The following WDR27 variants were observed in gnomAD, a reference collection of about 807,000 sequenced individuals.
WDR27 encodes the protein WD repeat-containing protein 27.
A neutral mutation model predicts 114.4 loss-of-function variants in WDR27; 100 were observed. The ratio of observed to expected loss-of-function variants is 0.87; its 90% CI spans 0.74 to 1.03. The LOEUF (loss-of-function observed/expected upper bound fraction) is 1.03. Ranked by LOEUF, WDR27 falls within the 50% of genes least tolerant of loss-of-function variation. The pLI is 0.00. For missense variants in WDR27, 1,129 were observed against 1,092.9 expected, an observed-to-expected ratio of 1.03 and a Z score of -0.47; for synonymous variants, 449 against 423.1, an observed-to-expected ratio of 1.06 and a Z score of -0.75.
chr6:169,638,188 C>T lies in WDR27; in HGVS notation c.1869+351G>A, dbSNP rs901495888. On this transcript the variant is annotated intron_variant, in intron 18 of 25. Transcript: ENST00000448612. The stretch of plus-strand genomic sequence containing the variant: ...AAAATTAGCCGGGCGCGGTGGCGGG[C>T]GCCTGTAGTCCCAGCTACTCGGGAG... Among the ~76,000 whole-genome samples the T allele has an allele frequency of 2.2e-4, 27 of 121,216 alleles. 3 individuals carry two copies. The East Asian group carries it at 3.0e-3, about 13-fold the overall frequency. The allele number at this position is 121,216 out of a possible 152,430, so 79.5% of individuals were successfully genotyped here.
intron 13 of WDR27, 153 bp downstream of exon 13, chr6:169,658,123 G>A (rs1824772637): frequency 9.5e-6 from 6 of 633,316 alleles, no homozygotes; most frequent in Admixed American, 2.2e-5. Context: ...CATGGAACAC[G>A]CACGAGAGGC....
chr6:169,454,776 C>T (rs1784283841), downstream of WDR27, among the ~76,000 whole-genome samples: 1 of 152,206 alleles, frequency 6.6e-6, no homozygotes, highest in African/African-American at 2.4e-5. Flanking sequence ...GGAATCTTCA[C>T]AGCCTGTAAT....
At chr6:169,639,488 C>T (rs1329956495) in intron 17 of WDR27, among the ~76,000 whole-genome samples, 1 of 151,150 alleles carries the variant, frequency 6.6e-6, no homozygotes, top group African/African-American at 2.4e-5. Context: ...AAAAAAAAAT[C>T]CCTGAGCACA....
chr6:169,622,394 C>T (rs1360187932), intron 21 of WDR27, among the ~76,000 whole-genome samples: 2 of 152,190 alleles, frequency 1.3e-5, no homozygotes, highest in African/African-American at 4.8e-5. Flanking sequence ...AGGGTTCACA[C>T]ACACGCACAT....
In WDR27 at chr6:169,613,622, T is replaced by C; in HGVS notation, c.2258A>G (p.Tyr753Cys). Reference protein sequence around the residue: ...SSFTTQQPQAYNLFLTTAIGD... With the variant: ...SSFTTQQPQACNLFLTTAIGD... ...AATGGCCGTGGTCAGGAAAAGGTTA[T>C]AAGCCTGAGGCTGTTGGGTTGTAAA... Residue 753 changes from tyrosine (Y) to cysteine (C), a missense_variant, in exon 22 of 26, where the codon TAT becomes TGT. Tyr to Cys is a radical substitution (Grantham distance 194). Transcript: ENST00000448612. 6.2e-7 allele frequency: 1 copy of C among 1,613,884 alleles called. No individual in the cohort carries two copies. Among genetic ancestry groups the C allele is most frequent in the Non-Finnish European group, 8.5e-7 (1 of 1,179,818 alleles).
rs547332624 is a variant in WDR27 at position 169,465,790 on chromosome 6, C to A, written c.2646-8156G>T. ...TATGCAAAGTGAAATAAAGCAGTCA[C>A]AAAAAGATAAATGTGAGGTACCTAA... On this transcript the variant is annotated intron_variant, in intron 25 of 25. Coordinates refer to ENST00000448612, the MANE Select transcript of WDR27 (RefSeq NM_182552.5). Among the ~76,000 whole-genome samples the A allele has an allele frequency of 1.4e-3, 207 of 152,116 alleles. 4 individuals carry two copies. The South Asian group carries it at 0.017, about 13-fold the overall frequency.
chr6:169,582,698 TCTC>T (rs1158695272), intron 24 of WDR27, 135 bp downstream of exon 24: 3 of 555,814 alleles, frequency 5.4e-6, no homozygotes, highest in Admixed American at 3.2e-5. Flanking sequence ...TTTCCTAAGT[TCTC>T]CTTGCACTCA....
chr6:169,565,554 A>G (rs915951455), intron 25 of WDR27, among the ~76,000 whole-genome samples: 5 of 152,206 alleles, frequency 3.3e-5, no homozygotes, highest in African/African-American at 9.6e-5. Context: ...ATGTGTGTTC[A>G]TAATCACACA....
chr6:169,433,193 A>T, the WDR27 span, among the ~76,000 whole-genome samples: 10 of 152,106 alleles, frequency 6.6e-5, no homozygotes, highest in African/African-American at 2.2e-4. Context: ...TCAATCCATC[A>T]TCTAGGTTTT....
intron 25 of WDR27, among the ~76,000 whole-genome samples, chr6:169,497,625 C>T (rs1381450128): frequency 6.6e-6 from 1 of 151,236 alleles, no homozygotes. Context: ...AGAAGATACA[C>T]AAATGTCCAA....
At chr6:169,427,222 T>C in the WDR27 span, among the ~76,000 whole-genome samples, 3,066 of 152,206 alleles carry the variant, frequency 0.02, 65 homozygotes, top group East Asian at 0.07. Flanking sequence ...CAGCACTCTC[T>C]GGGAGAGCAA....
At chr6:169,506,292 C>T (rs1002514353) in intron 25 of WDR27, among the ~76,000 whole-genome samples, 1 of 151,896 alleles carries the variant, frequency 6.6e-6, no homozygotes, top group African/African-American at 2.4e-5. Flanking sequence ...CATTATAATC[C>T]GTATGCCATT....
At chr6:169,480,751 T>C (rs1050022281) in intron 25 of WDR27, among the ~76,000 whole-genome samples, 4 of 152,122 alleles carry the variant, frequency 2.6e-5, no homozygotes, top group Non-Finnish European at 5.9e-5. Context: ...GCTAATCTAA[T>C]GGGGACTTGG....
intron 25 of WDR27, among the ~76,000 whole-genome samples, chr6:169,462,234 C>A (rs1470721964): frequency 6.6e-6 from 1 of 151,988 alleles, no homozygotes; most frequent in Non-Finnish European, 1.5e-5. Flanking sequence ...CACCTGAGGT[C>A]AGGAGTTTGA....
the WDR27 span, among the ~76,000 whole-genome samples, chr6:169,437,629 T>C: frequency 6.6e-6 from 1 of 152,194 alleles, no homozygotes; most frequent in Admixed American, 6.5e-5. Flanking sequence ...CTGTTCTTTC[T>C]TCGTTCCTTA....
At chr6:169,656,720 C>T (rs542347659) in intron 13 of WDR27, among the ~76,000 whole-genome samples, 179 of 152,310 alleles carry the variant, frequency 1.2e-3, no homozygotes, top group African/African-American at 4.1e-3. Flanking sequence ...CTCCCAGCTC[C>T]GCATTAGGCC....
intron 1 of WDR27, among the ~76,000 whole-genome samples, chr6:169,692,692 C>T (rs994259572): frequency 6.6e-5 from 10 of 152,116 alleles, no homozygotes; most frequent in African/African-American, 1.9e-4. Context: ...CTATGTGATG[C>T]GTCAGACACA....
intron 8 of WDR27, chr6:169,663,863 C>A: frequency 2.5e-6 from 1 of 398,184 alleles, no homozygotes. Flanking sequence ...CATGACCTGC[C>A]CTCCTTGGTC....
intron 25 of WDR27, among the ~76,000 whole-genome samples, chr6:169,541,497 C>T (rs559136561): frequency 1.3e-5 from 2 of 152,338 alleles, no homozygotes; most frequent in South Asian, 2.1e-4. Context: ...AATAAGAAAA[C>T]GTGTGCTGAG....
Sources: gnomAD v4.1 joint callset for allele counts (sites outside exome capture counted in the v4.1 genomes callset) on GRCh38, gnomAD v4.1.1 for gene constraint, MANE v1.5 for transcripts, NCBI Gene and HGNC (gene_info 2026-07-23, HGNC 2026-07-21) for gene names.